RGMA: variants seen among roughly 807,000 people sequenced by gnomAD.
The protein encoded by RGMA is repulsive guidance molecule A.
A neutral mutation model predicts 23.2 loss-of-function variants in RGMA; 10 were observed. The ratio of observed to expected loss-of-function variants is 0.43; its 90% CI spans 0.27 to 0.73. The LOEUF (loss-of-function observed/expected upper bound fraction) is 0.73. RGMA is among the 30% of genes least tolerant of loss of function. RGMA has a pLI of 0.20. For synonymous variants in RGMA, 308 were observed against 279.3 expected, an observed-to-expected ratio of 1.10 and a Z score of -1.03; for missense variants, 547 against 630.5, an observed-to-expected ratio of 0.87 and a Z score of 1.42.
intron 1 of RGMA, among the ~76,000 whole-genome samples, chr15:93,082,346 C>T (rs948343293): frequency 6.6e-6 from 1 of 152,190 alleles, no homozygotes; most frequent in Non-Finnish European, 1.5e-5. Flanking sequence ...GCCTGATGGG[C>T]ACCTACTAGA....
intron 1 of RGMA, among the ~76,000 whole-genome samples, chr15:93,085,569 A>G (rs1418021900): frequency 6.6e-6 from 1 of 152,238 alleles, no homozygotes; most frequent in Non-Finnish European, 1.5e-5. Context: ...CTACACTTCC[A>G]TTATTTACTG....
Position 93,039,871 on chromosome 15 carries a change from C to T in RGMA, c.*5127G>A, listed in dbSNP as rs140708733. On this transcript the variant is annotated 3_prime_UTR_variant, in exon 4 of 4. Transcript: ENST00000329082. ...TCCTGACTTCCTCTTTCTTCCCCAG[C>T]GGCCCCAAGTCACCTCCATATAGTA... 939 of 152,356 alleles carry T rather than the reference C, an allele frequency of 6.2e-3. 4 individuals are homozygous for T. The highest frequency in any genetic ancestry group is 0.041 in the Middle Eastern group (12 of 294). 9.4% of individuals were successfully genotyped at this position (152,356 alleles called of 1,614,324 possible).
chr15:93,081,136 G>A (rs996863077), intron 1 of RGMA, among the ~76,000 whole-genome samples: 4 of 152,182 alleles, frequency 2.6e-5, no homozygotes, highest in South Asian at 2.1e-4. Flanking sequence ...GTGGCACCAC[G>A]CCCTGTCCTA....
chr15:93,067,548 C>T (rs1271337010), intron 2 of RGMA, among the ~76,000 whole-genome samples: 1 of 151,352 alleles, frequency 6.6e-6, no homozygotes, highest in Non-Finnish European at 1.5e-5. Context: ...TAACAGGTGT[C>T]CCCGGCGTCG....
intron 1 of RGMA, among the ~76,000 whole-genome samples, chr15:93,082,317 A>G (rs1488462200): frequency 3.9e-5 from 6 of 152,194 alleles, no homozygotes; most frequent in South Asian, 2.1e-4. Context: ...TTTTAAGTTC[A>G]TTTTCAGTTA....
Position 93,052,439 on chromosome 15 carries a change from G to C in RGMA, c.199C>G (p.Pro67Ala). ...AACTCGGGGGTGTCGTCTGAGGCTG[G>C]GGCGTGGCTGCCCGACGTGGCGCTC... ...FWSATSGSHA[P>A]ASDDTPEFCA... is the part of the protein sequence containing the mutation. The change falls in exon 3 of 4, where the codon CCA becomes GCA. Residue 67 changes from proline (P) to alanine (A), a missense_variant. By Grantham distance (27) the Pro-to-Ala change is conservative. This residue lies in a region of RGMA where 214 missense variants were observed against 234.7 expected (regional missense o/e 0.91). Transcript: ENST00000329082. 1 of 1,593,518 alleles carries C rather than the reference G, an allele frequency of 6.3e-7. No individual in the cohort carries two copies. Among genetic ancestry groups the C allele is most frequent in the East Asian group, 2.2e-5 (1 of 44,648 alleles).
chr15:93,044,802 G>A lies in RGMA; in HGVS notation c.*196C>T. ...CACAGCTCTACTGTCAAACATCATG[G>A]CACCAGTCACCACAACCTTGTCACG... is the stretch of plus-strand genomic sequence containing the variant. On this transcript the variant is annotated 3_prime_UTR_variant, in exon 4 of 4. Transcript: ENST00000329082. The A allele has an allele frequency of 3.3e-6, 2 of 600,086 alleles. No individual in the cohort carries two copies. The highest frequency in any genetic ancestry group is 5.9e-6 in the Non-Finnish European group (2 of 337,352). The allele number at this position is 600,086 out of a possible 1,614,324, so 37.2% of individuals were successfully genotyped here.
chr15:93,073,426 C>T (rs1895407259), intron 1 of RGMA: 8 of 789,614 alleles, frequency 1.0e-5, no homozygotes, highest in Non-Finnish European at 1.5e-5. Flanking sequence ...CTCCAGCCCG[C>T]GGCTGTCCTT....
intron 2 of RGMA, chr15:93,066,596 G>A (rs1449745527): frequency 3.5e-5 from 16 of 457,288 alleles, no homozygotes; most frequent in East Asian, 1.3e-4. Flanking sequence ...CTACCACCCC[G>A]GGCATCGTCG....
rs1452008803 is a variant in RGMA, at chr15:93,045,871, G to A, written c.646-166C>T. On this transcript the variant is annotated intron_variant, in intron 3 of 3. Transcript: ENST00000329082. The surrounding 1 kb of genome is among the most constrained non-coding windows in gnomAD (Gnocchi z 6.9). ...AGATCAGTTCCACCTGCGCAGCTGT[G>A]CACTTCACATTCTTTCAATGAAAAC... is the stretch of plus-strand genomic sequence containing the variant. Among the ~76,000 whole-genome samples, 2 of 152,134 alleles carry A rather than the reference G, an allele frequency of 1.3e-5. No homozygotes were observed. The highest frequency in any genetic ancestry group is 4.8e-5 in the African/African-American group (2 of 41,418).
At chr15:93,073,189 CT>C in intron 1 of RGMA, 158 bp from the exon 2 acceptor site, 1 of 1,222,872 alleles carries the variant, frequency 8.2e-7, no homozygotes, top group Non-Finnish European at 1.0e-6. Flanking sequence ...CCGCGCGCCC[CT>C]CCCTCGCCAT....
chr15:93,074,651 C>T (rs1019849568), intron 1 of RGMA, among the ~76,000 whole-genome samples: 5 of 152,182 alleles, frequency 3.3e-5, no homozygotes, highest in Non-Finnish European at 7.3e-5. Flanking sequence ...CATTTCAGGA[C>T]GGGTCTGCAA....
intron 1 of RGMA, among the ~76,000 whole-genome samples, chr15:93,076,705 T>C (rs1215448137): frequency 1.3e-5 from 2 of 152,216 alleles, no homozygotes; most frequent in Non-Finnish European, 2.9e-5. Flanking sequence ...ATGAAGATTC[T>C]ATTACCATCC....
At chr15:93,046,431 C>T (rs895242314) in intron 3 of RGMA, among the ~76,000 whole-genome samples, 19 of 152,124 alleles carry the variant, frequency 1.2e-4, no homozygotes, top group Admixed American at 3.9e-4. Flanking sequence ...TCCCAACTTC[C>T]GGCCTCCACA....
chr15:93,052,938 T>C (rs538389326), intron 2 of RGMA, among the ~76,000 whole-genome samples: 15 of 152,358 alleles, frequency 9.8e-5, no homozygotes, highest in South Asian at 2.1e-4. Flanking sequence ...AGTCCTGGCA[T>C]TGTATGACCT....
Position 93,044,561 on chromosome 15 carries a change from C to T in RGMA, c.*437G>A, listed in dbSNP as rs763199574. ...GGCCTAGGGGGATCGAGTGTGCTCTCGTGTAAGAGTGTGTGCGTGCGTGTG... is the reference window on the plus strand; with the variant it reads ...GGCCTAGGGGGATCGAGTGTGCTCTTGTGTAAGAGTGTGTGCGTGCGTGTG... On this transcript the variant is annotated 3_prime_UTR_variant, in exon 4 of 4. Transcript: ENST00000329082. The T allele has an allele frequency of 1.5e-5, 3 of 203,866 alleles. No homozygotes were observed. Among genetic ancestry groups the T allele is most frequent in the African/African-American group, 2.3e-5 (1 of 42,948 alleles). 12.6% of individuals were successfully genotyped at this position (203,866 alleles called of 1,614,324 possible).
intron 3 of RGMA, among the ~76,000 whole-genome samples, chr15:93,048,844 G>A (rs914775886): frequency 1.3e-5 from 2 of 151,356 alleles, no homozygotes; most frequent in African/African-American, 4.9e-5. Context: ...CTGCCATGGG[G>A]GGAGGATGGG....
rs8031630 is a variant in RGMA, at chr15:93,040,609, C to G, written c.*4389G>C. ...AATCCAAAATGTGTGTCTCTCGGAA[C>G]CTCTGGCCCACTTCCCTTTTCTCTG... On this transcript the variant is annotated 3_prime_UTR_variant, in exon 4 of 4. Coordinates refer to ENST00000329082, the MANE Select transcript of RGMA (RefSeq NM_020211.3). 64,401 of 151,830 alleles carry G rather than the reference C, an allele frequency of 0.42. 14,804 individuals carry two copies. Among genetic ancestry groups the G allele is most frequent in the Non-Finnish European group, 0.53 (35,988 of 67,934 alleles). 9.4% of individuals were successfully genotyped at this position (151,830 alleles called of 1,614,324 possible).
chr15:93,068,587 AC>A (rs1191144631), intron 2 of RGMA, among the ~76,000 whole-genome samples: 1 of 151,446 alleles, frequency 6.6e-6, no homozygotes, highest in African/African-American at 2.4e-5. Context: ...TCCTCAATAC[AC>A]CCTCAGGGCC....
Sources: gnomAD v4.1 joint callset for allele counts (sites outside exome capture counted in the v4.1 genomes callset) on GRCh38, gnomAD v4.1.1 for gene constraint, gnomAD v4.1.1 regional missense constraint, Gnocchi (gnomAD v3.1) non-coding constraint, MANE v1.5 for transcripts, NCBI Gene and HGNC (gene_info 2026-07-23, HGNC 2026-07-21) for gene names.